Variants in CTNNA3 observed in about 807,000 individuals in gnomAD.
CTNNA3 encodes catenin alpha 3, also known as catenin alpha-3.
Under a neutral mutation model 95.7 loss-of-function variants are expected in CTNNA3, and 76 were observed. That is an observed-to-expected ratio of 0.79 (90% CI 0.66 to 0.96). The LOEUF (loss-of-function observed/expected upper bound fraction) is 0.96, where lower values mean the gene tolerates loss of function less well. CTNNA3 is among the 40% of genes least tolerant of loss of function. The pLI is 0.00. For synonymous variants in CTNNA3, 431 were observed against 374.4 expected, an observed-to-expected ratio of 1.15 and a Z score of -1.74; for missense variants, 1,191 against 1,089.8, an observed-to-expected ratio of 1.09 and a Z score of -1.31.
intron 1 of CTNNA3, among the ~76,000 whole-genome samples, chr10:67,702,483 C>T (rs1167771657): frequency 5.9e-5 from 9 of 152,128 alleles, no homozygotes; most frequent in African/African-American, 1.7e-4. Context: ...CATTCAAAAC[C>T]GCTCAACTAC....
At chr10:66,446,011 A>G (rs1279224974) in intron 11 of CTNNA3, among the ~76,000 whole-genome samples, 2 of 152,178 alleles carry the variant, frequency 1.3e-5, no homozygotes, top group Admixed American at 6.5e-5. Context: ...AATCCCACAG[A>G]AATACAAACT....
chr10:66,935,213 T>G (rs929807934), intron 7 of CTNNA3, among the ~76,000 whole-genome samples: 1 of 152,132 alleles, frequency 6.6e-6, no homozygotes, highest in Non-Finnish European at 1.5e-5. Flanking sequence ...AGGAAACTTG[T>G]AGAATGCATC....
chr10:66,151,960 C>T (rs1432618435), intron 13 of CTNNA3, among the ~76,000 whole-genome samples: 2 of 151,930 alleles, frequency 1.3e-5, no homozygotes, highest in African/African-American at 2.4e-5. Flanking sequence ...TATGTGGCTA[C>T]ATTTCTGCCA....
intron 1 of CTNNA3, among the ~76,000 whole-genome samples, chr10:67,688,224 G>A (rs1442942609): frequency 1.3e-5 from 2 of 152,100 alleles, no homozygotes; most frequent in Non-Finnish European, 2.9e-5. Context: ...ATGTACCCGG[G>A]TTGGGCCAAA....
At chr10:67,339,205 G>T (rs1160748152) in intron 5 of CTNNA3, among the ~76,000 whole-genome samples, 1 of 152,112 alleles carries the variant, frequency 6.6e-6, no homozygotes, top group Non-Finnish European at 1.5e-5. Context: ...CCTGAGCAAA[G>T]AAAGCAAAAT....
At chr10:66,639,472 GAATGA>G (rs1419274380) in intron 9 of CTNNA3, among the ~76,000 whole-genome samples, 1 of 152,072 alleles carries the variant, frequency 6.6e-6, no homozygotes, top group African/African-American at 2.4e-5. Flanking sequence ...AATCCAGACA[GAATGA>G]ACTTTATTTA....
intron 9 of CTNNA3, among the ~76,000 whole-genome samples, chr10:66,759,193 A>T (rs1839498197): frequency 6.6e-6 from 1 of 152,184 alleles, no homozygotes. Flanking sequence ...AGATTTTTGA[A>T]AAAAACATTT....
At chr10:66,261,014 T>C (rs2090976710) in intron 13 of CTNNA3, among the ~76,000 whole-genome samples, 1 of 152,086 alleles carries the variant, frequency 6.6e-6, no homozygotes, top group Non-Finnish European at 1.5e-5. Flanking sequence ...AAGTTATTTG[T>C]TTTCTTTCCT....
intron 10 of CTNNA3, among the ~76,000 whole-genome samples, chr10:66,532,066 T>A (rs1453656713): frequency 1.3e-5 from 2 of 152,216 alleles, no homozygotes; most frequent in African/African-American, 4.8e-5. Flanking sequence ...AAAGTTTCTC[T>A]TTAATGTACC....
In CTNNA3 at chr10:66,695,371, G is replaced by A. The variant is rs141693712; in HGVS notation, c.1281+70893C>T. The stretch of plus-strand genomic sequence containing the variant: ...TTTCTTTGGGCAACATGGAGCCTTA[G>A]TTTTCTCTCCACTGAAACTTGGACC... On this transcript the variant is annotated intron_variant, in intron 9 of 17. Transcript: ENST00000433211. 3.6e-3 allele frequency among the ~76,000 whole-genome samples: 548 copies of A among 152,234 alleles called. 11 individuals carry two copies. The highest frequency in any genetic ancestry group is 0.012 in the African/African-American group (501 of 41,554).
At chr10:66,162,431 T>C (rs10996940) in intron 13 of CTNNA3, among the ~76,000 whole-genome samples, 22,098 of 152,130 alleles carry the variant, frequency 0.15, 2,067 homozygotes, top group Admixed American at 0.24. Context: ...CCTTTTCCTA[T>C]GGTTGTGGCT....
At chr10:66,400,173 A>G (rs2093009417) in intron 11 of CTNNA3, among the ~76,000 whole-genome samples, 1 of 152,050 alleles carries the variant, frequency 6.6e-6, no homozygotes, top group African/African-American at 2.4e-5. Context: ...ACATGTTTAC[A>G]AAGAAAATAT....
intron 1 of CTNNA3, among the ~76,000 whole-genome samples, chr10:67,722,202 G>C (rs1005413390): frequency 6.6e-6 from 1 of 152,134 alleles, no homozygotes; most frequent in African/African-American, 2.4e-5. Context: ...TTCAGCATTA[G>C]GGTTTACATC....
At chr10:67,285,576 G>T (rs1839565109) in intron 5 of CTNNA3, among the ~76,000 whole-genome samples, 1 of 152,116 alleles carries the variant, frequency 6.6e-6, no homozygotes, top group African/African-American at 2.4e-5. Context: ...GAAATATCCA[G>T]AGGAGGCAGT....
chr10:67,728,860 C>T (rs1841259110), intron 1 of CTNNA3, among the ~76,000 whole-genome samples: 1 of 152,012 alleles, frequency 6.6e-6, no homozygotes, highest in South Asian at 2.1e-4. Flanking sequence ...AATAGGCCAT[C>T]TGTATATTTG....
At chr10:67,616,556 G>A (rs1215191024) in intron 2 of CTNNA3, among the ~76,000 whole-genome samples, 1 of 152,236 alleles carries the variant, frequency 6.6e-6, no homozygotes, top group African/African-American at 2.4e-5. Flanking sequence ...TTTGCTGACA[G>A]ATTGAATATG....
intron 17 of CTNNA3, among the ~76,000 whole-genome samples, chr10:65,937,065 A>G (rs1190938853): frequency 2.4e-4 from 36 of 152,062 alleles, no homozygotes; most frequent in Non-Finnish European, 5.9e-5. Context: ...CTATTACAGT[A>G]GCCTCCAAAT....
intron 7 of CTNNA3, among the ~76,000 whole-genome samples, chr10:67,110,627 GT>G (rs1858871747): frequency 1.3e-5 from 2 of 152,014 alleles, no homozygotes; most frequent in Admixed American, 6.6e-5. Flanking sequence ...TCCTTTGCAG[GT>G]TTGTACCCCA....
rs1257912952 is a variant in CTNNA3 at position 66,336,432 on chromosome 10, G to T, written c.1732+42720C>A. Among the ~76,000 whole-genome samples the T allele has an allele frequency of 2.0e-5, 3 of 152,118 alleles. No individual in the cohort carries two copies. The South Asian group carries it at 6.2e-4, about 32-fold the overall frequency. On this transcript the variant is annotated intron_variant, in intron 12 of 17. Transcript: ENST00000433211. Reference sequence around the variant, plus strand: ...ATTACCCAAAATTTTGCCACCGTTTGTCTAGTCATTTAATAATAACTTTGG... The same window carrying T: ...ATTACCCAAAATTTTGCCACCGTTTTTCTAGTCATTTAATAATAACTTTGG...
Sources: allele counts gnomAD v4.1 joint callset (sites outside exome capture counted in the v4.1 genomes callset), GRCh38; gene constraint gnomAD v4.1.1; transcripts MANE v1.5; gene names NCBI Gene and HGNC (gene_info 2026-07-23, HGNC 2026-07-21).